The following TNS1 variants were observed in gnomAD, a reference collection of about 807,000 sequenced individuals.
TNS1 encodes tensin-1.
Under a neutral mutation model 168.6 loss-of-function variants are expected in TNS1, and 62 were observed. The observed-to-expected ratio is 0.37, with a 90% CI of 0.30 to 0.45. The LOEUF (loss-of-function observed/expected upper bound fraction) is 0.45, where lower values mean the gene tolerates loss of function less well. Ranked by LOEUF, TNS1 falls within the 20% of genes least tolerant of loss-of-function variation. The pLI is 1.00. For synonymous variants in TNS1, 934 were observed against 933.2 expected, an observed-to-expected ratio of 1.00 and a Z score of -0.02; for missense variants, 2,240 against 2,339.4, an observed-to-expected ratio of 0.96 and a Z score of 0.88.
At chr2:217,873,646 G>T (rs569476620) in intron 18 of TNS1, among the ~76,000 whole-genome samples, 1 of 152,296 alleles carries the variant, frequency 6.6e-6, no homozygotes, top group East Asian at 1.9e-4. Context: ...AGGCTGGAGG[G>T]AGCGAAGGAT....
chr2:217,927,308 G>A (rs1956083012), intron 3 of TNS1, among the ~76,000 whole-genome samples: 1 of 152,214 alleles, frequency 6.6e-6, no homozygotes, highest in South Asian at 2.1e-4. Flanking sequence ...GTGAAGGAAA[G>A]GAAGAGGAGC....
intron 3 of TNS1, among the ~76,000 whole-genome samples, chr2:217,972,677 G>T (rs1025379002): frequency 6.6e-6 from 1 of 152,232 alleles, no homozygotes; most frequent in Non-Finnish European, 1.5e-5. Flanking sequence ...CCATCTGCCT[G>T]CCCAGCAGCT....
intron 1 of TNS1, among the ~76,000 whole-genome samples, chr2:218,028,431 T>TA (rs1958867268): frequency 6.6e-6 from 1 of 152,224 alleles, no homozygotes; most frequent in Admixed American, 6.5e-5. Context: ...GTGGGGTCTC[T>TA]ACCTGTCCAC....
chr2:217,841,525 G>A (rs1332726281), intron 19 of TNS1, among the ~76,000 whole-genome samples: 3 of 152,156 alleles, frequency 2.0e-5, no homozygotes, highest in African/African-American at 7.2e-5. Context: ...GGTGGGGAAG[G>A]TATCAGACAG....
chr2:217,998,117 G>A (rs1958502560), intron 1 of TNS1, among the ~76,000 whole-genome samples: 1 of 152,194 alleles, frequency 6.6e-6, no homozygotes, highest in Non-Finnish European at 1.5e-5. Flanking sequence ...GAAGGAAGGA[G>A]GGCAGACAGT....
At chr2:217,817,614 A>T in intron 24 of TNS1, 76 bp downstream of exon 24, 1 of 1,278,358 alleles carries the variant, frequency 7.8e-7, no homozygotes, top group Admixed American at 2.2e-5. Flanking sequence ...GTCAGAATAG[A>T]CACTGGGATA....
At chr2:217,829,697 A>C in intron 22 of TNS1, 1 of 885,778 alleles carries the variant, frequency 1.1e-6, no homozygotes. Context: ...TCTCATCACC[A>C]AGCGTTGGGG....
At chr2:217,808,043 C>A in intron 32 of TNS1, 32 bp downstream of exon 32, 2 of 1,612,696 alleles carry the variant, frequency 1.2e-6, no homozygotes, top group Non-Finnish European at 1.7e-6. Flanking sequence ...CAAAGGCCAG[C>A]CTGCTGGGCA....
At chr2:217,816,838 C>T (rs1469373856) in intron 24 of TNS1, among the ~76,000 whole-genome samples, 1 of 151,934 alleles carries the variant, frequency 6.6e-6, no homozygotes, top group East Asian at 1.9e-4. Flanking sequence ...AGAGTGACGC[C>T]GGGAGAATCT....
At chr2:217,910,833 CCT>C (rs376661023) in intron 4 of TNS1, among the ~76,000 whole-genome samples, 49 of 152,034 alleles carry the variant, frequency 3.2e-4, no homozygotes, top group African/African-American at 1.0e-3. Context: ...CCTCCATCCC[CCT>C]GTTTCACACA....
chr2:217,805,539 CA>C (rs1938603023), intron 32 of TNS1, among the ~76,000 whole-genome samples: 3 of 2,456 alleles, frequency 1.2e-3, no homozygotes, highest in African/African-American at 2.7e-3. Context: ...ACACACCACA[CA>C]CACCACCACA....
chr2:217,834,557 A>G (rs1347099322), intron 21 of TNS1, among the ~76,000 whole-genome samples: 1 of 152,080 alleles, frequency 6.6e-6, no homozygotes. Flanking sequence ...CTCCCCAGTA[A>G]GTGTATAGGG....
intron 28 of TNS1, among the ~76,000 whole-genome samples, chr2:217,812,101 G>C (rs1376593676): frequency 6.6e-6 from 1 of 152,172 alleles, no homozygotes; most frequent in African/African-American, 2.4e-5. Flanking sequence ...GTGGTCTGAG[G>C]ATTCCATATG....
At chr2:217,855,037 G>A (rs1196047517) in intron 18 of TNS1, among the ~76,000 whole-genome samples, 1 of 152,170 alleles carries the variant, frequency 6.6e-6, no homozygotes, top group East Asian at 1.9e-4. Context: ...AGGAGCTAAG[G>A]CTCTTAAGCT....
chr2:217,932,705 A>G (rs1256505874), intron 3 of TNS1, among the ~76,000 whole-genome samples: 8 of 152,214 alleles, frequency 5.3e-5, no homozygotes, highest in Non-Finnish European at 1.2e-4. Context: ...TTAAGATCCC[A>G]TCTATTGTCA....
chr2:218,021,932 TGAG>T (rs1958809524), intron 1 of TNS1, among the ~76,000 whole-genome samples: 1 of 152,092 alleles, frequency 6.6e-6, no homozygotes, highest in Non-Finnish European at 1.5e-5. Context: ...TGGCTGAGGC[TGAG>T]GAGTACCTCC....
rs373510396 is a variant in TNS1, at chr2:217,908,549, G to C, written c.229-1298C>G. Among the ~76,000 whole-genome samples the C allele has an allele frequency of 1.4e-4, 22 of 152,294 alleles. No individual in the cohort carries two copies. The East Asian group carries it at 3.5e-3, about 24-fold the overall frequency. On this transcript the variant is annotated intron_variant, in intron 4 of 32. Coordinates refer to ENST00000682258, the MANE Select transcript of TNS1 (RefSeq NM_001387777.1). Reference sequence around the variant, plus strand: ...AGGGATGAGCTGCTCATGTCCAAAGGCAGGGGAATGGACAGAATGATCCTC... The same window carrying C: ...AGGGATGAGCTGCTCATGTCCAAAGCCAGGGGAATGGACAGAATGATCCTC...
chr2:217,809,918 T>C lies in TNS1; in HGVS notation c.5178A>G (p.Thr1726=), dbSNP rs1236901561. The C allele has an allele frequency of 1.2e-6, 2 of 1,613,550 alleles. No individual in the cohort carries two copies. Among genetic ancestry groups the C allele is most frequent in the East Asian group, 2.2e-5 (1 of 44,838 alleles). The change falls in exon 30 of 33, where the codon ACA becomes ACG. Residue 1726 remains threonine, a synonymous_variant. Transcript: ENST00000682258. The part of the protein sequence containing the change: ...LTGPQAISKA[T]SETLAADPTP... Reference sequence around the variant, plus strand: ...TGGGGTCTGCAGCCAACGTCTCAGATGTGGCTTTAGAGATGGCCTGTGGCC... The same window carrying C: ...TGGGGTCTGCAGCCAACGTCTCAGACGTGGCTTTAGAGATGGCCTGTGGCC...
At chr2:218,031,302 T>G (rs1233401809) in intron 1 of TNS1, among the ~76,000 whole-genome samples, 1 of 144,472 alleles carries the variant, frequency 6.9e-6, no homozygotes, top group African/African-American at 2.7e-5. Flanking sequence ...TGAGTGTGTC[T>G]TTGTGTATGA....
Sources: gnomAD v4.1 joint callset for allele counts (sites outside exome capture counted in the v4.1 genomes callset) on GRCh38, gnomAD v4.1.1 for gene constraint, MANE v1.5 for transcripts, NCBI Gene and HGNC (gene_info 2026-07-23, HGNC 2026-07-21) for gene names.